Variants in IGF2BP3 observed in about 807,000 individuals in gnomAD.
IGF2BP3 encodes the protein insulin-like growth factor 2 mRNA-binding protein 3.
IGF2BP3 carries 9 observed loss-of-function variants against 73.8 expected under a neutral mutation model. That is an observed-to-expected ratio of 0.12 (90% CI 0.07 to 0.21). IGF2BP3 has a LOEUF of 0.21. IGF2BP3 is among the 10% of genes least tolerant of loss of function. The probability of loss-of-function intolerance (pLI) is 1.00; values close to 1 mark genes in which losing one functional copy is unlikely to be tolerated. For missense variants in IGF2BP3, 542 were observed against 714.0 expected, an observed-to-expected ratio of 0.76 and a Z score of 2.75; for synonymous variants, 258 against 256.7, an observed-to-expected ratio of 1.01 and a Z score of -0.05.
chr7:23,391,188 C>T (rs905831762), intron 3 of IGF2BP3, among the ~76,000 whole-genome samples: 4 of 151,614 alleles, frequency 2.6e-5, no homozygotes, highest in Non-Finnish European at 5.9e-5. Context: ...CAACCTCCAC[C>T]CCCTGGGTTC....
chr7:23,380,546 A>G (rs1583964322), intron 3 of IGF2BP3, among the ~76,000 whole-genome samples: 1 of 151,702 alleles, frequency 6.6e-6, no homozygotes, highest in Non-Finnish European at 1.5e-5. Context: ...ACTCTCATCC[A>G]CTCCCAACTG....
chr7:23,411,228 G>T (rs1787009475), intron 3 of IGF2BP3, among the ~76,000 whole-genome samples: 1 of 152,174 alleles, frequency 6.6e-6, no homozygotes, highest in Non-Finnish European at 1.5e-5. Context: ...TTCTACAGAT[G>T]TTTTCTTCTG....
At chr7:23,426,618 G>C (rs1300302680) in intron 2 of IGF2BP3, among the ~76,000 whole-genome samples, 1 of 152,134 alleles carries the variant, frequency 6.6e-6, no homozygotes, top group Non-Finnish European at 1.5e-5. Flanking sequence ...TCACTACCTG[G>C]AGTTTGCTAG....
At chr7:23,392,708 C>T (rs1272674087) in intron 3 of IGF2BP3, among the ~76,000 whole-genome samples, 1 of 152,098 alleles carries the variant, frequency 6.6e-6, no homozygotes, top group Non-Finnish European at 1.5e-5. Flanking sequence ...CGGCTCACTG[C>T]AGCCTCGACT....
rs554869013 is a variant in IGF2BP3 at position 23,435,288 on chromosome 7, G to C, written c.237-16464C>G. 8.4e-4 allele frequency among the ~76,000 whole-genome samples: 48 copies of C among 57,484 alleles called. No homozygotes were observed. The East Asian group carries it at 0.017, about 20-fold the overall frequency. 37.7% of individuals were successfully genotyped at this position (57,484 alleles called of 152,430 possible). On this transcript the variant is annotated intron_variant, in intron 2 of 14. Coordinates refer to ENST00000258729, the MANE Select transcript of IGF2BP3 (RefSeq NM_006547.3). ...AGCCCAGGCGACAGAGCAAGACTCT[G>C]TCTCAAAAAAAAAAAAAAAAAAAAA...
At chr7:23,422,913 AG>A (rs1279853380) in intron 2 of IGF2BP3, among the ~76,000 whole-genome samples, 3 of 152,180 alleles carry the variant, frequency 2.0e-5, no homozygotes, top group African/African-American at 7.2e-5. Context: ...CTCCTGCCTC[AG>A]CCTTCCTAGT....
At chr7:23,423,702 C>T (rs1487465903) in intron 2 of IGF2BP3, among the ~76,000 whole-genome samples, 1 of 151,792 alleles carries the variant, frequency 6.6e-6, no homozygotes, top group Non-Finnish European at 1.5e-5. Context: ...CAGAAACTAA[C>T]ATTTCAAATG....
intron 6 of IGF2BP3, 68 bp downstream of exon 6, chr7:23,351,237 C>A (rs748039517): frequency 4.0e-4 from 621 of 1,555,712 alleles, no homozygotes; most frequent in South Asian, 6.8e-4. Flanking sequence ...AGTACCAGAA[C>A]GACACACTGT....
chr7:23,432,745 A>C (rs1463716829), intron 2 of IGF2BP3, among the ~76,000 whole-genome samples: 1 of 151,780 alleles, frequency 6.6e-6, no homozygotes, highest in Admixed American at 6.6e-5. Context: ...GGTTCATGAG[A>C]TCCTCCTGCC....
chr7:23,360,264 T>C (rs537357827), intron 5 of IGF2BP3, among the ~76,000 whole-genome samples: 1 of 152,292 alleles, frequency 6.6e-6, no homozygotes, highest in African/African-American at 2.4e-5. Context: ...CACTACAATA[T>C]TGTTCATAAC....
chr7:23,454,064 G>A (rs978332655), intron 2 of IGF2BP3, among the ~76,000 whole-genome samples: 10 of 152,072 alleles, frequency 6.6e-5, no homozygotes, highest in Non-Finnish European at 1.3e-4. Flanking sequence ...CTGAGCTCAA[G>A]CGATTCATCC....
intron 2 of IGF2BP3, among the ~76,000 whole-genome samples, chr7:23,448,868 G>C (rs562331344): frequency 6.6e-6 from 1 of 152,012 alleles, no homozygotes; most frequent in Non-Finnish European, 1.5e-5. Context: ...CTGACCTAAA[G>C]TGATCTGCCC....
At chr7:23,359,594 C>T (rs1785174765) in intron 5 of IGF2BP3, among the ~76,000 whole-genome samples, 2 of 152,016 alleles carry the variant, frequency 1.3e-5, no homozygotes, top group Admixed American at 1.3e-4. Flanking sequence ...TGCCTGTAAT[C>T]CCAGCATTTT....
Position 23,418,047 on chromosome 7 carries a change from A to G in IGF2BP3, c.285+729T>C, listed in dbSNP as rs560493739. On this transcript the variant is annotated intron_variant, in intron 3 of 14. Transcript: ENST00000258729. ...ACTTTGCATTTTGATGGGGGTTATGATTTAGTGACTCATCAAATGTCATTT... is the reference window on the plus strand; with the variant it reads ...ACTTTGCATTTTGATGGGGGTTATGGTTTAGTGACTCATCAAATGTCATTT... Among the ~76,000 whole-genome samples the G allele has an allele frequency of 2.0e-5, 3 of 152,302 alleles. No homozygotes were observed. In the South Asian group the frequency reaches 6.2e-4, roughly 32 times the overall value.
intron 2 of IGF2BP3, among the ~76,000 whole-genome samples, chr7:23,454,104 G>A (rs925500405): frequency 5.9e-5 from 9 of 152,102 alleles, no homozygotes; most frequent in East Asian, 1.9e-4. Flanking sequence ...ATGAACCACC[G>A]TGCCCAGCCT....
At chr7:23,463,463 A>G (rs1788496294) in intron 2 of IGF2BP3, among the ~76,000 whole-genome samples, 1 of 152,268 alleles carries the variant, frequency 6.6e-6, no homozygotes, top group African/African-American at 2.4e-5. Context: ...CCTTACAGGA[A>G]AAACCCCAGA....
chr7:23,364,579 GT>G (rs1354484885), intron 3 of IGF2BP3, among the ~76,000 whole-genome samples: 7 of 134,014 alleles, frequency 5.2e-5, no homozygotes, highest in African/African-American at 2.0e-4. Flanking sequence ...AAAGCGGGAG[GT>G]TGGGGGGTGG....
intron 8 of IGF2BP3, among the ~76,000 whole-genome samples, chr7:23,344,749 C>T (rs1274077223): frequency 6.6e-6 from 1 of 152,204 alleles, no homozygotes; most frequent in Non-Finnish European, 1.5e-5. Flanking sequence ...CACAGGCTAA[C>T]CTTGAGCCAG....
chr7:23,469,911 C>T lies in IGF2BP3; in HGVS notation c.175+25G>A, dbSNP rs1389930169. 16 of 1,576,272 alleles carry T rather than the reference C, an allele frequency of 1.0e-5. No individual in the cohort carries two copies. The highest frequency in any genetic ancestry group is 1.4e-5 in the Non-Finnish European group (16 of 1,163,770). ...GCGGTGCAGGGCTGGGGCGAGAGCC[C>T]GGGTGGGGCCAGGCCCGGGCCCACC... On this transcript the variant is annotated intron_variant, in intron 1 of 14. Coordinates refer to ENST00000258729, the MANE Select transcript of IGF2BP3 (RefSeq NM_006547.3). This position sits in a 1 kb window ranked among gnomAD's most constrained non-coding sequence, Gnocchi z 6.1.
Sources: allele counts gnomAD v4.1 joint callset (sites outside exome capture counted in the v4.1 genomes callset), GRCh38; gene constraint gnomAD v4.1.1; non-coding constraint Gnocchi (gnomAD v3.1); transcripts MANE v1.5; gene names NCBI Gene and HGNC (gene_info 2026-07-23, HGNC 2026-07-21).